Variants in SDK1 observed in about 807,000 individuals in gnomAD.
The protein encoded by SDK1 is protein sidekick-1.
In SDK1, 157 loss-of-function variants were observed where a neutral mutation model predicts 245.5. That is an observed-to-expected ratio of 0.64 (90% CI 0.56 to 0.73). The LOEUF (loss-of-function observed/expected upper bound fraction) is 0.73, where lower values mean the gene tolerates loss of function less well. Among genes scored for constraint, SDK1 ranks in the 30% least tolerant of loss-of-function variants. The probability of loss-of-function intolerance (pLI) is 0.00; values close to 1 mark genes in which losing one functional copy is unlikely to be tolerated. For synonymous variants in SDK1, 1,647 were observed against 1,278.5 expected, an observed-to-expected ratio of 1.29 and a Z score of -6.15; for missense variants, 3,583 against 3,002.3, an observed-to-expected ratio of 1.19 and a Z score of -4.52.
intron 4 of SDK1, among the ~76,000 whole-genome samples, chr7:3,686,282 G>C (rs1343194334): frequency 1.3e-5 from 2 of 152,134 alleles, no homozygotes; most frequent in Non-Finnish European, 2.9e-5. Context: ...CACCATGTTG[G>C]TCAGGCTGGT....
At chr7:3,366,739 A>C (rs994153556) in intron 1 of SDK1, among the ~76,000 whole-genome samples, 2 of 151,714 alleles carry the variant, frequency 1.3e-5, no homozygotes, top group African/African-American at 4.8e-5. Context: ...TATTGTTTTT[A>C]TTTTATTTAT....
intron 44 of SDK1, among the ~76,000 whole-genome samples, 192 bp downstream of exon 44, chr7:4,245,997 G>T (rs564493756): frequency 6.6e-5 from 10 of 152,268 alleles, no homozygotes; most frequent in African/African-American, 2.4e-4. Context: ...TCTGGGCCCC[G>T]CAGAGCTCAC....
At chr7:3,358,423 TACA>T (rs564565337) in intron 1 of SDK1, among the ~76,000 whole-genome samples, 2 of 126,498 alleles carry the variant, frequency 1.6e-5, no homozygotes, top group South Asian at 4.7e-4. Context: ...AGCTAATCAT[TACA>T]ACGTTTTTTT....
chr7:3,857,250 G>A (rs1013033292), intron 5 of SDK1, among the ~76,000 whole-genome samples: 2 of 152,076 alleles, frequency 1.3e-5, no homozygotes, highest in Non-Finnish European at 2.9e-5. Flanking sequence ...TTGTACTCAG[G>A]ACACAGTCAG....
At chr7:3,618,565 C>G (rs921858347) in intron 1 of SDK1, among the ~76,000 whole-genome samples, 1 of 152,178 alleles carries the variant, frequency 6.6e-6, no homozygotes, top group Non-Finnish European at 1.5e-5. Context: ...TGTTGTATCC[C>G]ATTGAAAGTC....
chr7:4,126,952 C>T (rs1399363712), intron 25 of SDK1, among the ~76,000 whole-genome samples: 3 of 152,186 alleles, frequency 2.0e-5, no homozygotes, highest in Non-Finnish European at 4.4e-5. Context: ...CCTACCCTCC[C>T]TTCCCCTTCT....
At chr7:4,019,662 C>G (rs1304618908) in intron 17 of SDK1, among the ~76,000 whole-genome samples, 3 of 151,874 alleles carry the variant, frequency 2.0e-5, no homozygotes, top group Non-Finnish European at 4.4e-5. Context: ...GCTGCACGTG[C>G]AGTTTCCCAT....
chr7:4,197,351 A>C (rs1048456616), intron 35 of SDK1, among the ~76,000 whole-genome samples: 2 of 151,866 alleles, frequency 1.3e-5, no homozygotes, highest in African/African-American at 4.8e-5. Flanking sequence ...AGATGGGTAT[A>C]GTGATGTATG....
At chr7:4,067,253 A>G (rs969280687) in intron 19 of SDK1, among the ~76,000 whole-genome samples, 2 of 152,342 alleles carry the variant, frequency 1.3e-5, no homozygotes, top group Admixed American at 6.5e-5. Flanking sequence ...TGCCCGTGTT[A>G]GCAAGGGGGC....
intron 40 of SDK1, among the ~76,000 whole-genome samples, chr7:4,225,040 A>G (rs1042056611): frequency 4.0e-5 from 6 of 148,390 alleles, no homozygotes; most frequent in African/African-American, 1.5e-4. Context: ...AGAAAACTAC[A>G]GAAGGGCCTG....
chr7:3,943,597 G>A (rs1477963480), intron 5 of SDK1, among the ~76,000 whole-genome samples: 1 of 150,770 alleles, frequency 6.6e-6, no homozygotes, highest in East Asian at 2.0e-4. Flanking sequence ...TTGCTCATTC[G>A]ACCGCTCCCC....
chr7:3,530,718 A>G (rs1318715670), intron 1 of SDK1, among the ~76,000 whole-genome samples: 1 of 152,206 alleles, frequency 6.6e-6, no homozygotes, highest in Non-Finnish European at 1.5e-5. Flanking sequence ...TAAATAAGGA[A>G]AATGTAGGCC....
At chr7:3,556,510 A>G (rs573533183) in intron 1 of SDK1, among the ~76,000 whole-genome samples, 7 of 152,266 alleles carry the variant, frequency 4.6e-5, no homozygotes, top group Admixed American at 1.3e-4. Context: ...ACTAAAGTCA[A>G]TAATTTATTA....
chr7:3,656,201 C>T (rs545623243), intron 4 of SDK1, among the ~76,000 whole-genome samples: 1 of 152,298 alleles, frequency 6.6e-6, no homozygotes, highest in African/African-American at 2.4e-5. Context: ...CTCCATCCTT[C>T]CCTTCTCCTT....
chr7:3,590,694 G>C (rs1480499213), intron 1 of SDK1, among the ~76,000 whole-genome samples: 1 of 151,784 alleles, frequency 6.6e-6, no homozygotes, highest in Non-Finnish European at 1.5e-5. Context: ...TACTTCACAA[G>C]GGAAACCTTA....
intron 19 of SDK1, among the ~76,000 whole-genome samples, chr7:4,056,532 G>A (rs1321836749): frequency 2.0e-5 from 3 of 152,094 alleles, no homozygotes; most frequent in Non-Finnish European, 4.4e-5. Context: ...GACTGAGATC[G>A]GCTGGGAACC....
intron 13 of SDK1, among the ~76,000 whole-genome samples, chr7:3,975,842 C>T (rs1197271625): frequency 6.6e-6 from 1 of 152,250 alleles, no homozygotes; most frequent in Non-Finnish European, 1.5e-5. Flanking sequence ...GTCCCCATGG[C>T]TCTACAGAAT....
chr7:3,439,743 T>G (rs1435747494), intron 1 of SDK1, among the ~76,000 whole-genome samples: 2 of 152,248 alleles, frequency 1.3e-5, no homozygotes, highest in Non-Finnish European at 2.9e-5. Flanking sequence ...TATACATGAT[T>G]TAGCTTTATG....
At chr7:4,072,277 C>G (rs1780301054) in intron 20 of SDK1, among the ~76,000 whole-genome samples, 1 of 152,176 alleles carries the variant, frequency 6.6e-6, no homozygotes, top group South Asian at 2.1e-4. Context: ...AGTGAGAGCA[C>G]CAGGCAGACT....
Sources: gnomAD v4.1 joint callset for allele counts (sites outside exome capture counted in the v4.1 genomes callset) on GRCh38, gnomAD v4.1.1 for gene constraint, MANE v1.5 for transcripts, NCBI Gene and HGNC (gene_info 2026-07-23, HGNC 2026-07-21) for gene names.